ATP2B2: variants seen among roughly 807,000 people sequenced by gnomAD.
ATP2B2 encodes plasma membrane calcium-transporting ATPase 2.
In ATP2B2, 15 loss-of-function variants were observed where a neutral mutation model predicts 120.0. The ratio of observed to expected loss-of-function variants is 0.12; its 90% CI spans 0.08 to 0.19. The LOEUF (loss-of-function observed/expected upper bound fraction) is 0.19, where lower values mean the gene tolerates loss of function less well. Among genes scored for constraint, ATP2B2 ranks in the 10% least tolerant of loss-of-function variants. The pLI is 1.00. For synonymous variants in ATP2B2, 694 were observed against 700.3 expected, an observed-to-expected ratio of 0.99 and a Z score of 0.14; for missense variants, 1,045 against 1,719.8, an observed-to-expected ratio of 0.61 and a Z score of 6.94.
intron 2 of ATP2B2, among the ~76,000 whole-genome samples, chr3:10,537,235 T>C (rs540917902): frequency 1.3e-5 from 2 of 152,342 alleles, no homozygotes; most frequent in South Asian, 4.1e-4. Flanking sequence ...ATAAATTTTA[T>C]AATCTTTTCT....
intron 2 of ATP2B2, among the ~76,000 whole-genome samples, chr3:10,592,942 C>T (rs530533530): frequency 1.3e-4 from 20 of 152,242 alleles, no homozygotes; most frequent in Admixed American, 5.2e-4. Flanking sequence ...ACCACCACCA[C>T]GCCTGGCTAA....
chr3:10,689,913 G>A (rs922889648), intron 1 of ATP2B2, among the ~76,000 whole-genome samples: 10 of 152,222 alleles, frequency 6.6e-5, no homozygotes, highest in Non-Finnish European at 1.0e-4. Flanking sequence ...GGTGAACAGA[G>A]GAATGGGGAA....
At chr3:10,622,561 G>T (rs944442890) in intron 1 of ATP2B2, among the ~76,000 whole-genome samples, 1 of 152,120 alleles carries the variant, frequency 6.6e-6, no homozygotes, top group Admixed American at 6.5e-5. Flanking sequence ...GACCCCAGAA[G>T]GCCAGGGGCA....
At chr3:10,459,069 A>G (rs2064379212) in intron 1 of ATP2B2, among the ~76,000 whole-genome samples, 1 of 152,224 alleles carries the variant, frequency 6.6e-6, no homozygotes, top group African/African-American at 2.4e-5. Context: ...AGAAATGGAC[A>G]TCCCAGTTGC....
At chr3:10,669,968 G>C (rs1367492334) in intron 1 of ATP2B2, among the ~76,000 whole-genome samples, 2 of 152,224 alleles carry the variant, frequency 1.3e-5, no homozygotes, top group Non-Finnish European at 2.9e-5. Flanking sequence ...TTCAAGGATA[G>C]ATAAAAGTCA....
chr3:10,337,841 G>A (rs1005712503), intron 22 of ATP2B2, among the ~76,000 whole-genome samples: 2 of 152,030 alleles, frequency 1.3e-5, no homozygotes, highest in African/African-American at 4.8e-5. Flanking sequence ...CCCCAGCCCT[G>A]AGCGACAGTC....
At chr3:10,356,392 T>C (rs2060732879) in intron 14 of ATP2B2, among the ~76,000 whole-genome samples, 3 of 152,188 alleles carry the variant, frequency 2.0e-5, no homozygotes, top group Non-Finnish European at 2.9e-5. Flanking sequence ...ATTTGTTTAG[T>C]GGGTGGTGAC....
intron 14 of ATP2B2, among the ~76,000 whole-genome samples, chr3:10,353,413 G>T (rs2060630526): frequency 6.6e-6 from 1 of 152,220 alleles, no homozygotes; most frequent in African/African-American, 2.4e-5. Flanking sequence ...CTACACAGAT[G>T]AACACAGATT....
chr3:10,689,677 C>G lies in ATP2B2; in HGVS notation c.-460+18238G>C, dbSNP rs556298816. Among the ~76,000 whole-genome samples, 4 of 152,292 alleles carry G rather than the reference C, an allele frequency of 2.6e-5. No homozygotes were observed. In the South Asian group the frequency reaches 8.3e-4, roughly 32 times the overall value. On this transcript the variant is annotated intron_variant, in intron 1 of 21. Transcript: ENST00000646379. ...AGCTCTCACCATCCTCCTCATCCTG[C>G]TGAGGACGGGGAACCCTGTCATGGA...
intron 2 of ATP2B2, among the ~76,000 whole-genome samples, chr3:10,571,323 C>T (rs1301018898): frequency 3.3e-5 from 5 of 152,204 alleles, no homozygotes; most frequent in Non-Finnish European, 4.4e-5. Flanking sequence ...ACAGAGCCTT[C>T]AGCAGGGATG....
intron 2 of ATP2B2, among the ~76,000 whole-genome samples, chr3:10,606,182 T>C (rs915511989): frequency 4.0e-5 from 6 of 151,520 alleles, no homozygotes; most frequent in Middle Eastern, 3.2e-3. Context: ...AGTGGAGGAG[T>C]TCAGTGTTCA....
At chr3:10,376,265 G>C (rs537637969) in intron 10 of ATP2B2, among the ~76,000 whole-genome samples, 3 of 152,252 alleles carry the variant, frequency 2.0e-5, no homozygotes, top group Non-Finnish European at 4.4e-5. Flanking sequence ...TGAAGAAAAA[G>C]GCCAGGATGA....
chr3:10,548,914 T>C (rs1025147160), intron 2 of ATP2B2, among the ~76,000 whole-genome samples: 3 of 152,350 alleles, frequency 2.0e-5, no homozygotes, highest in African/African-American at 7.2e-5. Context: ...TTTTAATCAT[T>C]ACATATGCCA....
chr3:10,663,707 A>G (rs1229522190), intron 1 of ATP2B2, among the ~76,000 whole-genome samples: 1 of 152,158 alleles, frequency 6.6e-6, no homozygotes, highest in African/African-American at 2.4e-5. Context: ...GGGAGTGCAG[A>G]CAGCGGCATA....
chr3:10,582,199 T>C (rs1478553093), intron 2 of ATP2B2, among the ~76,000 whole-genome samples: 3 of 152,184 alleles, frequency 2.0e-5, no homozygotes, highest in Non-Finnish European at 4.4e-5. Flanking sequence ...TCGTTGTTTC[T>C]TGGGGGGACC....
At chr3:10,403,299 G>A (rs768121522) in intron 3 of ATP2B2, among the ~76,000 whole-genome samples, 4 of 152,224 alleles carry the variant, frequency 2.6e-5, no homozygotes, top group African/African-American at 4.8e-5. Flanking sequence ...GGCTTGAGCT[G>A]CAGGCCGCTT....
At chr3:10,516,598 C>T (rs1382984279) in intron 3 of ATP2B2, among the ~76,000 whole-genome samples, 2 of 152,212 alleles carry the variant, frequency 1.3e-5, no homozygotes, top group African/African-American at 2.4e-5. Context: ...AACTCTTCTT[C>T]CTTCAGCCCC....
chr3:10,475,789 C>T (rs149054987), intron 1 of ATP2B2, among the ~76,000 whole-genome samples: 1 of 152,284 alleles, frequency 6.6e-6, no homozygotes. Context: ...AGCCCCCTTC[C>T]CCGTCTGCAA....
chr3:10,592,326 T>C (rs1010077527), intron 2 of ATP2B2, among the ~76,000 whole-genome samples: 5 of 152,270 alleles, frequency 3.3e-5, no homozygotes, highest in Admixed American at 3.3e-4. Flanking sequence ...TTTGAAATTA[T>C]GTATAATTAT....
Sources: gnomAD v4.1 joint callset for allele counts (sites outside exome capture counted in the v4.1 genomes callset) on GRCh38, gnomAD v4.1.1 for gene constraint, MANE v1.5 for transcripts, NCBI Gene and HGNC (gene_info 2026-07-23, HGNC 2026-07-21) for gene names.